The following RUNX3 variants were observed in gnomAD, a reference collection of about 807,000 sequenced individuals.
RUNX3 encodes the protein runt-related transcription factor 3.
RUNX3 carries 10 observed loss-of-function variants against 27.7 expected under a neutral mutation model. The observed-to-expected ratio is 0.36, with a 90% CI of 0.22 to 0.61. The LOEUF (loss-of-function observed/expected upper bound fraction) is 0.61. Among genes scored for constraint, RUNX3 ranks in the 20% least tolerant of loss-of-function variants. RUNX3 has a pLI of 0.72. For missense variants in RUNX3, 469 were observed against 629.5 expected (o/e 0.75, Z 2.73); for synonymous variants, 270 against 269.2 (o/e 1.00, Z -0.03).
chr1:24,911,927 A>T (rs1318775969), intron 3 of RUNX3, among the ~76,000 whole-genome samples: 1 of 152,212 alleles, frequency 6.6e-6, no homozygotes, highest in African/African-American at 2.4e-5. Context: ...GTCCAACAGC[A>T]CTTCGGAAAT....
intron 2 of RUNX3, among the ~76,000 whole-genome samples, chr1:24,922,401 C>T (rs1641017093): frequency 6.6e-6 from 1 of 152,044 alleles, no homozygotes; most frequent in Non-Finnish European, 1.5e-5. Context: ...TTGTCCCTAA[C>T]CTCTAACTGA....
At chr1:24,965,003 G>A, upstream of RUNX3, 1 of 248,116 alleles carries the variant, frequency 4.0e-6, no homozygotes, top group Non-Finnish European at 8.1e-6. This position sits in a 1 kb window ranked among gnomAD's most constrained non-coding sequence, Gnocchi z 5.4. Context: ...CACGGGGAAT[G>A]AATGAATGAG....
exon 2 of RUNX3, chr1:24,964,660 C>T: frequency 6.5e-7 from 1 of 1,532,360 alleles, no homozygotes; most frequent in Non-Finnish European, 8.8e-7. Context: ...TTTTTTTTTC[C>T]TCTAGCTACT....
upstream of RUNX3, among the ~76,000 whole-genome samples, chr1:24,932,590 C>T (rs1172604880): frequency 6.6e-6 from 1 of 152,198 alleles, no homozygotes; most frequent in African/African-American, 2.4e-5. Flanking sequence ...ACCAAGGCCG[C>T]CTTCCTCACC....
At chr1:24,910,848 G>A (rs975762546) in intron 3 of RUNX3, among the ~76,000 whole-genome samples, 13 of 152,222 alleles carry the variant, frequency 8.5e-5, no homozygotes, top group Admixed American at 3.9e-4. Context: ...GAAAACATGG[G>A]CTGGGGGCGA....
intron 2 of RUNX3, among the ~76,000 whole-genome samples, chr1:24,944,124 G>A (rs974431288): frequency 7.9e-5 from 12 of 152,150 alleles, no homozygotes; most frequent in Non-Finnish European, 1.2e-4. Context: ...AGGACAGGGT[G>A]GTACTTCAGG....
At position 24,943,127 on chromosome 1, in the gene RUNX3, G is replaced by A. The variant is rs1007382749; in HGVS notation, c.59-13275C>T. Reference sequence around the variant, plus strand: ...TTGCCCGGTGTTCCAGCCACCAGGCGGGACCAGCGCCGGGCAGACTGCCGG... The same window carrying A: ...TTGCCCGGTGTTCCAGCCACCAGGCAGGACCAGCGCCGGGCAGACTGCCGG... On this transcript the variant is annotated intron_variant, in intron 2 of 6. Transcript: ENST00000338888. This position sits in a 1 kb window ranked among gnomAD's most constrained non-coding sequence, Gnocchi z 4.6. Among the ~76,000 whole-genome samples the A allele has an allele frequency of 3.9e-5, 6 of 152,260 alleles. No homozygotes were observed. Among genetic ancestry groups the A allele is most frequent in the South Asian group, 4.1e-4 (2 of 4,836 alleles).
intron 2 of RUNX3, among the ~76,000 whole-genome samples, chr1:24,949,777 C>T (rs1358596701): frequency 6.6e-6 from 1 of 152,278 alleles, no homozygotes; most frequent in African/African-American, 2.4e-5. Context: ...CACTCTGGGC[C>T]AGGCCTCTCT....
intron 3 of RUNX3, among the ~76,000 whole-genome samples, chr1:24,910,080 G>A (rs765268829): frequency 2.0e-4 from 31 of 152,184 alleles, no homozygotes; most frequent in Non-Finnish European, 3.1e-4. Context: ...AGTGAGGTCA[G>A]GAGTTTGAAA....
At chr1:24,960,604 G>T (rs1396978319) in intron 2 of RUNX3, among the ~76,000 whole-genome samples, 2 of 152,204 alleles carry the variant, frequency 1.3e-5, no homozygotes, top group African/African-American at 2.4e-5. Context: ...CCCACTGCCA[G>T]TGTCCCTGGT....
At chr1:24,930,853 C>T (rs1641211995), upstream of RUNX3, among the ~76,000 whole-genome samples, 1 of 152,212 alleles carries the variant, frequency 6.6e-6, no homozygotes, top group Non-Finnish European at 1.5e-5. This position sits in a 1 kb window ranked among gnomAD's most constrained non-coding sequence, Gnocchi z 4.1. Flanking sequence ...TTGCTGCTCC[C>T]AGCCCTGCGC....
At chr1:24,907,913 C>A (rs899261686) in intron 3 of RUNX3, among the ~76,000 whole-genome samples, 2 of 151,936 alleles carry the variant, frequency 1.3e-5, no homozygotes, top group African/African-American at 4.8e-5. Context: ...CTCTACAACA[C>A]ACTGTGATGT....
chr1:24,957,494 G>C (rs999472877), intron 2 of RUNX3, among the ~76,000 whole-genome samples: 16 of 152,224 alleles, frequency 1.1e-4, no homozygotes, highest in African/African-American at 3.9e-4. Context: ...GTAGTGAGGG[G>C]CAGCAATGGC....
chr1:24,931,800 G>A (rs957282273), upstream of RUNX3, among the ~76,000 whole-genome samples: 2 of 152,150 alleles, frequency 1.3e-5, no homozygotes, highest in South Asian at 2.1e-4. Context: ...ACCCACCTCG[G>A]GACCTCACAG....
At position 24,927,871 on chromosome 1, in the gene RUNX3, G is replaced by A. The variant is rs1363034672; in HGVS notation, c.283-141C>T. ...TATTTCTCCAATGCAGGGTGGAGAA[G>A]AGGCTTAAAAACAATAAAGACCTTC... is the stretch of plus-strand genomic sequence containing the variant. On this transcript the variant is annotated intron_variant, in intron 1 of 4. Transcript: ENST00000308873. This position sits in a 1 kb window ranked among gnomAD's most constrained non-coding sequence, Gnocchi z 5.0. 7 of 691,286 alleles carry A rather than the reference G, an allele frequency of 1.0e-5. No homozygotes were observed. The highest frequency in any genetic ancestry group is 8.9e-5 in the African/African-American group (5 of 56,010). 42.8% of individuals were successfully genotyped at this position (691,286 alleles called of 1,614,324 possible).
chr1:24,927,782 G>A lies in RUNX3; in HGVS notation c.283-52C>T, dbSNP rs781308255. 1 of 1,579,554 alleles carries A rather than the reference G, an allele frequency of 6.3e-7. No individual in the cohort carries two copies. Among genetic ancestry groups the A allele is most frequent in the Non-Finnish European group, 8.7e-7 (1 of 1,149,880 alleles). ...GGGGGACAGCTTAGAAAGGAAGAGG[G>A]TGACCAGGGAAAGGAGGGGAGGGGC... On this transcript the variant is annotated intron_variant, in intron 1 of 4. Coordinates refer to ENST00000308873, the MANE Select transcript of RUNX3 (RefSeq NM_004350.3). This position sits in a 1 kb window ranked among gnomAD's most constrained non-coding sequence, Gnocchi z 5.0.
At position 24,919,296 on chromosome 1, in the gene RUNX3, A is replaced by G. The variant is rs982067991; in HGVS notation, c.488T>C (p.Val163Ala). The G allele has an allele frequency of 6.2e-7, 1 of 1,605,714 alleles. No homozygotes were observed. Among genetic ancestry groups the G allele is most frequent in the African/African-American group, 1.4e-5 (1 of 73,874 alleles). ...TITVFTNPTQ[V>A]ATYHRAIKVT... The stretch of plus-strand genomic sequence containing the variant: ...CTTGATGGCTCGGTGGTAGGTCGCC[A>G]CTTGGGTGGGGTTGGTGAACACAGT... Residue 163 changes from valine (V) to alanine (A), a missense_variant, in exon 3 of 5, where the codon GTG becomes GCG. Val to Ala is a moderately conservative substitution (Grantham distance 64). Around this residue, in one of 3 missense-constraint regions of RUNX3, gnomAD observed 75 missense variants for 168.5 expected, o/e 0.45. Coordinates refer to ENST00000308873, the MANE Select transcript of RUNX3 (RefSeq NM_004350.3).
In RUNX3 at chr1:24,901,795, T is replaced by C; in HGVS notation, c.*327A>G. 1 of 328,682 alleles carries C rather than the reference T, an allele frequency of 3.0e-6. No homozygotes were observed. The highest frequency in any genetic ancestry group is 5.6e-6 in the Non-Finnish European group (1 of 178,006). 20.4% of individuals were successfully genotyped at this position (328,682 alleles called of 1,614,324 possible). On this transcript the variant is annotated 3_prime_UTR_variant, in exon 5 of 5. Coordinates refer to ENST00000308873, the MANE Select transcript of RUNX3 (RefSeq NM_004350.3). ...TCTGTCCCAGGAGACATGGGTCCCA[T>C]GCAGCACTGGGCATAGCTGGAGACA...
intron 4 of RUNX3, among the ~76,000 whole-genome samples, chr1:24,906,398 G>A (rs1257209741): frequency 6.6e-6 from 1 of 152,182 alleles, no homozygotes; most frequent in East Asian, 1.9e-4. Context: ...AGTCCGTGAC[G>A]GCAGCCAGCT....
Sources: gnomAD v4.1 joint callset for allele counts (sites outside exome capture counted in the v4.1 genomes callset) on GRCh38, gnomAD v4.1.1 for gene constraint, gnomAD v4.1.1 regional missense constraint, Gnocchi (gnomAD v3.1) non-coding constraint, MANE v1.5 for transcripts, NCBI Gene and HGNC (gene_info 2026-07-23, HGNC 2026-07-21) for gene names.